The following LEKR1 variants were observed in gnomAD, a reference collection of about 807,000 sequenced individuals.
LEKR1 encodes the protein protein LEKR1.
A neutral mutation model predicts 72.4 loss-of-function variants in LEKR1; 59 were observed. The observed-to-expected ratio is 0.82, with a 90% confidence interval of 0.66 to 1.01. The LOEUF (loss-of-function observed/expected upper bound fraction) is 1.01, where lower values mean the gene tolerates loss of function less well. LEKR1 is among the 50% of genes least tolerant of loss of function. The pLI, the probability that LEKR1 is intolerant of heterozygous loss-of-function variation, is 0.00. For missense variants in LEKR1, 728 were observed against 759.2 expected (o/e 0.96, Z 0.48); for synonymous variants, 257 against 263.2 (o/e 0.98, Z 0.23).
chr3:157,039,047 A>G (rs368828851), intron 12 of LEKR1, among the ~76,000 whole-genome samples: 26 of 152,292 alleles, frequency 1.7e-4, no homozygotes, highest in African/African-American at 6.3e-4. Context: ...ATTGCCCAAC[A>G]ATCTCCTAGC....
At chr3:157,012,667 A>C (rs1466210947) in intron 10 of LEKR1, among the ~76,000 whole-genome samples, 2 of 152,164 alleles carry the variant, frequency 1.3e-5, no homozygotes, top group East Asian at 3.8e-4. Context: ...ACAGTCACGA[A>C]ATAATAAAAA....
At chr3:156,925,977 A>G (rs1420508813) in intron 4 of LEKR1, among the ~76,000 whole-genome samples, 2 of 152,062 alleles carry the variant, frequency 1.3e-5, no homozygotes, top group Non-Finnish European at 2.9e-5. Flanking sequence ...TTTATAAGCA[A>G]ATTAGGCAAT....
chr3:156,877,845 C>T (rs766743121), intron 3 of LEKR1, among the ~76,000 whole-genome samples: 13 of 152,098 alleles, frequency 8.5e-5, no homozygotes, highest in Non-Finnish European at 1.5e-4. Context: ...TGCAGTGGCA[C>T]GATCTCGGCT....
chr3:156,871,191 G>T (rs1717896144), intron 3 of LEKR1, among the ~76,000 whole-genome samples: 1 of 151,786 alleles, frequency 6.6e-6, no homozygotes, highest in South Asian at 2.1e-4. Context: ...CCATCTATGA[G>T]TGAGAATATG....
intron 7 of LEKR1, among the ~76,000 whole-genome samples, chr3:156,992,239 T>C (rs1010422026): frequency 3.3e-5 from 5 of 152,192 alleles, no homozygotes; most frequent in African/African-American, 4.8e-5. Context: ...ACGATTTCTC[T>C]AAGAGTTTTA....
In LEKR1 at chr3:156,952,649, T is replaced by C. The variant is rs1560104242; in HGVS notation, c.745+9935T>C. Among the ~76,000 whole-genome samples the C allele has an allele frequency of 4.0e-5, 6 of 151,648 alleles. No homozygotes were observed. In the South Asian group the frequency reaches 1.2e-3, roughly 31 times the overall value. ...GTACAATTACTCTAGAGACTAGTTT[T>C]CAATATTTGTCTGAAATACAAATGA... On this transcript the variant is annotated intron_variant, in intron 6 of 12. Coordinates refer to ENST00000356539, the MANE Select transcript of LEKR1 (RefSeq NM_001004316.3).
chr3:156,896,048 G>A (rs1166488840), intron 3 of LEKR1, among the ~76,000 whole-genome samples: 2 of 152,186 alleles, frequency 1.3e-5, no homozygotes, highest in African/African-American at 4.8e-5. Flanking sequence ...ACAAGAGCAT[G>A]TCCTTTGCAG....
intron 4 of LEKR1, chr3:156,924,544 G>T: frequency 1.5e-6 from 1 of 671,182 alleles, no homozygotes; most frequent in South Asian, 1.6e-5. Context: ...CCGGTCAGAA[G>T]GATTTTCTCC....
chr3:156,934,426 G>A (rs1394213117), intron 5 of LEKR1, among the ~76,000 whole-genome samples: 1 of 152,084 alleles, frequency 6.6e-6, no homozygotes, highest in African/African-American at 2.4e-5. Context: ...TCTTAGTAAC[G>A]CTTACATATT....
intron 6 of LEKR1, among the ~76,000 whole-genome samples, chr3:156,978,837 T>C (rs1258019856): frequency 6.6e-6 from 1 of 152,212 alleles, no homozygotes; most frequent in Admixed American, 6.5e-5. Context: ...CAGGCAATCA[T>C]GTGTTTTAGA....
intron 3 of LEKR1, among the ~76,000 whole-genome samples, chr3:156,873,356 T>A (rs9847187): frequency 0.51 from 77,093 of 151,874 alleles, 21,238 homozygotes; most frequent in East Asian, 0.73. Flanking sequence ...GTGTCATGTT[T>A]TTTTAATCCA....
chr3:156,907,213 A>G (rs1722611963), intron 3 of LEKR1, among the ~76,000 whole-genome samples: 1 of 152,198 alleles, frequency 6.6e-6, no homozygotes, highest in East Asian at 1.9e-4. Flanking sequence ...CTCTGTAGAG[A>G]TCACCCTGCT....
chr3:156,870,575 G>GT (rs1190969396), intron 3 of LEKR1, among the ~76,000 whole-genome samples: 1 of 151,952 alleles, frequency 6.6e-6, no homozygotes, highest in African/African-American at 2.4e-5. Context: ...AGATCTAAGA[G>GT]TTTTTTTCAT....
chr3:156,892,271 A>C (rs940911771), intron 3 of LEKR1, among the ~76,000 whole-genome samples: 5 of 152,162 alleles, frequency 3.3e-5, no homozygotes, highest in African/African-American at 1.2e-4. Flanking sequence ...TATCAATGAG[A>C]GCATCTGTGA....
chr3:157,041,804 A>G (rs1211737549), intron 12 of LEKR1, among the ~76,000 whole-genome samples: 3 of 152,184 alleles, frequency 2.0e-5, no homozygotes, highest in Admixed American at 1.3e-4. Flanking sequence ...CATCTTGCAC[A>G]TTTGTCCTTG....
At chr3:156,874,180 T>C (rs1274868622) in intron 3 of LEKR1, among the ~76,000 whole-genome samples, 1 of 152,200 alleles carries the variant, frequency 6.6e-6, no homozygotes, top group Non-Finnish European at 1.5e-5. Context: ...ATTCAATGAA[T>C]TCTTCAGTTC....
At chr3:156,863,550 T>G (rs1035273977) in intron 3 of LEKR1, among the ~76,000 whole-genome samples, 3 of 152,106 alleles carry the variant, frequency 2.0e-5, no homozygotes, top group African/African-American at 4.8e-5. Flanking sequence ...TTTCTCAGAT[T>G]CTTTACATAT....
chr3:156,866,423 G>A (rs2108544428), intron 3 of LEKR1, among the ~76,000 whole-genome samples: 1 of 152,072 alleles, frequency 6.6e-6, no homozygotes, highest in South Asian at 2.1e-4. Context: ...TGGTCTTCTT[G>A]CAATGGTGAG....
At chr3:156,996,242 C>T (rs559703022) in intron 9 of LEKR1, among the ~76,000 whole-genome samples, 2 of 152,002 alleles carry the variant, frequency 1.3e-5, no homozygotes, top group Non-Finnish European at 2.9e-5. Context: ...AGAAGAGGTG[C>T]CTGCTTTGGC....
Sources: gnomAD v4.1 joint callset for allele counts (sites outside exome capture counted in the v4.1 genomes callset) on GRCh38, gnomAD v4.1.1 for gene constraint, MANE v1.5 for transcripts, NCBI Gene and HGNC (gene_info 2026-07-23, HGNC 2026-07-21) for gene names.